Variants in NRG3 observed in about 807,000 individuals in gnomAD.
NRG3 encodes the protein pro-neuregulin-3, membrane-bound isoform.
NRG3 carries 31 observed loss-of-function variants against 66.9 expected under a neutral mutation model. The ratio of observed to expected loss-of-function variants is 0.46; its 90% CI spans 0.35 to 0.63. The LOEUF (loss-of-function observed/expected upper bound fraction) is 0.63, where lower values mean the gene tolerates loss of function less well. Among genes scored for constraint, NRG3 ranks in the 20% least tolerant of loss-of-function variants. The pLI is 0.00. For synonymous variants in NRG3, 393 were observed against 359.4 expected (o/e 1.09, Z -1.06); for missense variants, 910 against 878.9 (o/e 1.04, Z -0.45).
At chr10:82,730,308 T>A (rs1432517570) in intron 2 of NRG3, among the ~76,000 whole-genome samples, 1 of 151,972 alleles carries the variant, frequency 6.6e-6, no homozygotes, top group Non-Finnish European at 1.5e-5. Context: ...ATGGTCTCGA[T>A]CTCCTGACCT....
intron 1 of NRG3, among the ~76,000 whole-genome samples, chr10:82,160,339 C>T (rs2071491540): frequency 6.6e-6 from 1 of 151,850 alleles, no homozygotes; most frequent in South Asian, 2.1e-4. Flanking sequence ...GTTTTTTAAG[C>T]AGGAAATCAT....
chr10:82,398,460 C>A (rs2086856863), intron 2 of NRG3, among the ~76,000 whole-genome samples: 1 of 151,074 alleles, frequency 6.6e-6, no homozygotes, highest in Non-Finnish European at 1.5e-5. Context: ...TTGGTTCCAA[C>A]TGGGATCTTC....
intron 1 of NRG3, among the ~76,000 whole-genome samples, chr10:81,999,188 T>C (rs1394539905): frequency 6.6e-6 from 1 of 152,240 alleles, no homozygotes; most frequent in East Asian, 1.9e-4. Flanking sequence ...ACAGCCATCA[T>C]TTACGTGAAA....
At chr10:82,303,752 C>G (rs2080551297) in intron 1 of NRG3, among the ~76,000 whole-genome samples, 1 of 151,916 alleles carries the variant, frequency 6.6e-6, no homozygotes, top group South Asian at 2.1e-4. Flanking sequence ...CCTGTAATCC[C>G]AGCTACTCGG....
intron 1 of NRG3, among the ~76,000 whole-genome samples, chr10:81,916,609 T>C (rs1845736863): frequency 6.6e-6 from 1 of 152,056 alleles, no homozygotes. Flanking sequence ...AACCCAAGGG[T>C]CTGCTGTCGA....
At chr10:82,052,718 A>G (rs1181016522) in intron 1 of NRG3, among the ~76,000 whole-genome samples, 1 of 152,212 alleles carries the variant, frequency 6.6e-6, no homozygotes, top group Non-Finnish European at 1.5e-5. Flanking sequence ...GGAGCTCATG[A>G]TAATGATATA....
chr10:82,522,667 A>C (rs1370135854), intron 2 of NRG3, among the ~76,000 whole-genome samples: 1 of 152,158 alleles, frequency 6.6e-6, no homozygotes, highest in Non-Finnish European at 1.5e-5. Context: ...ATATCTGCAA[A>C]GTGAAGTGCA....
At chr10:82,278,456 C>G (rs1042806103) in intron 1 of NRG3, among the ~76,000 whole-genome samples, 1 of 152,076 alleles carries the variant, frequency 6.6e-6, no homozygotes, top group African/African-American at 2.4e-5. Context: ...CCTGATTACT[C>G]TCTCAGACTG....
chr10:82,527,443 G>C (rs893688949), intron 2 of NRG3, among the ~76,000 whole-genome samples: 1 of 152,160 alleles, frequency 6.6e-6, no homozygotes, highest in Non-Finnish European at 1.5e-5. Flanking sequence ...AGGAATTATA[G>C]AGGGCTTCTG....
chr10:82,693,824 A>G lies in NRG3; in HGVS notation c.954-44753A>G, dbSNP rs188534689. 2.2e-3 allele frequency among the ~76,000 whole-genome samples: 333 copies of G among 152,304 alleles called. 2 individuals carry two copies. Among genetic ancestry groups the G allele is most frequent in the Admixed American group, 5.8e-3 (88 of 15,300 alleles). Reference sequence around the variant, plus strand: ...AAAGGTGGTGCAGACCCAAAAAGTGAGCAGCAACTAGATTTATTGTGAAGA... The same window carrying G: ...AAAGGTGGTGCAGACCCAAAAAGTGGGCAGCAACTAGATTTATTGTGAAGA... On this transcript the variant is annotated intron_variant, in intron 2 of 8. Coordinates refer to ENST00000372141, the MANE Select transcript of NRG3 (RefSeq NM_001010848.4).
chr10:81,999,545 A>T (rs546350178), intron 1 of NRG3, among the ~76,000 whole-genome samples: 1 of 152,178 alleles, frequency 6.6e-6, no homozygotes, highest in Non-Finnish European at 1.5e-5. Flanking sequence ...CATTTTGTAA[A>T]AAATGTTCAA....
At chr10:82,094,771 A>T (rs1361923250) in intron 1 of NRG3, among the ~76,000 whole-genome samples, 2 of 152,236 alleles carry the variant, frequency 1.3e-5, no homozygotes, top group Admixed American at 1.3e-4. Flanking sequence ...CATTATCTTA[A>T]GTGAAACAAC....
intron 1 of NRG3, among the ~76,000 whole-genome samples, chr10:82,324,329 T>C: frequency 6.6e-6 from 1 of 152,188 alleles, no homozygotes; most frequent in Non-Finnish European, 1.5e-5. Context: ...TCGTCACTCT[T>C]GATAGAATCA....
chr10:82,623,385 C>G (rs1380937672), intron 2 of NRG3, among the ~76,000 whole-genome samples: 1 of 152,182 alleles, frequency 6.6e-6, no homozygotes, highest in East Asian at 1.9e-4. Flanking sequence ...TCTCCCAGAA[C>G]TACTTAGTTC....
chr10:82,880,704 C>T (rs1022884597), intron 4 of NRG3, among the ~76,000 whole-genome samples: 4 of 152,094 alleles, frequency 2.6e-5, no homozygotes, highest in African/African-American at 9.7e-5. Context: ...GGTAGGCTGG[C>T]CAGATTTAGT....
intron 1 of NRG3, among the ~76,000 whole-genome samples, chr10:82,189,099 T>G (rs569788499): frequency 6.6e-6 from 1 of 152,214 alleles, no homozygotes; most frequent in African/African-American, 2.4e-5. Flanking sequence ...TATATAAATA[T>G]AAAAGGTAGC....
intron 3 of NRG3, among the ~76,000 whole-genome samples, chr10:82,770,343 A>G (rs1462580819): frequency 3.3e-5 from 5 of 152,164 alleles, no homozygotes; most frequent in Admixed American, 3.3e-4. Context: ...AGAGTTTACA[A>G]GACACTATTC....
chr10:82,438,741 C>T lies in NRG3; in HGVS notation c.953+79873C>T, dbSNP rs186521422. 1.8e-3 allele frequency among the ~76,000 whole-genome samples: 267 copies of T among 152,256 alleles called. 2 individuals are homozygous for T. The highest frequency in any genetic ancestry group is 6.8e-3 in the Middle Eastern group (2 of 294). On this transcript the variant is annotated intron_variant, in intron 2 of 8. Coordinates refer to ENST00000372141, the MANE Select transcript of NRG3 (RefSeq NM_001010848.4). ...AAGCAGATTGCCCGGCTGAGTAGCA[C>T]GCTCACTCACCACCTCCCTTGGCTG...
chr10:82,536,665 T>A (rs753566827), intron 2 of NRG3, among the ~76,000 whole-genome samples: 22 of 123,470 alleles, frequency 1.8e-4, no homozygotes, highest in Non-Finnish European at 3.0e-4. Flanking sequence ...AGCCAAGAAA[T>A]TGGATGGAAT....
Sources: gnomAD v4.1 joint callset for allele counts (sites outside exome capture counted in the v4.1 genomes callset) on GRCh38, gnomAD v4.1.1 for gene constraint, MANE v1.5 for transcripts, NCBI Gene and HGNC (gene_info 2026-07-23, HGNC 2026-07-21) for gene names.